The following CPNE4 variants were observed in gnomAD, a reference collection of about 807,000 sequenced individuals.
CPNE4 encodes the protein copine 4, also known as copine-4.
CPNE4 carries 25 observed loss-of-function variants against 67.9 expected under a neutral mutation model. The ratio of observed to expected loss-of-function variants is 0.37; its 90% confidence interval spans 0.27 to 0.51. The LOEUF (loss-of-function observed/expected upper bound fraction) is 0.51, where lower values mean the gene tolerates loss of function less well. CPNE4 is among the 20% of genes least tolerant of loss of function. The pLI is 0.93. For missense variants in CPNE4, 464 were observed against 690.8 expected, an observed-to-expected ratio of 0.67 and a Z score of 3.68; for synonymous variants, 242 against 244.9, an observed-to-expected ratio of 0.99 and a Z score of 0.11.
chr3:131,769,113 C>T (rs961419079), intron 2 of CPNE4, among the ~76,000 whole-genome samples: 1 of 152,160 alleles, frequency 6.6e-6, no homozygotes, highest in Non-Finnish European at 1.5e-5. Flanking sequence ...TTTTCCCTTG[C>T]TTATGGATTC....
At chr3:131,714,482 T>C (rs995538) in intron 3 of CPNE4, among the ~76,000 whole-genome samples, 114,598 of 152,120 alleles carry the variant, frequency 0.75, 43,590 homozygotes, top group Non-Finnish European at 0.82. Flanking sequence ...AAAGCAACTT[T>C]TTTCTGTTCA....
At chr3:131,732,493 G>C (rs2082150225) in intron 2 of CPNE4, among the ~76,000 whole-genome samples, 2 of 152,194 alleles carry the variant, frequency 1.3e-5, no homozygotes, top group Admixed American at 1.3e-4. Flanking sequence ...ACCAGTAGGA[G>C]ACTAGAAGAC....
At chr3:131,983,072 AT>A (rs1273257802) in intron 1 of CPNE4, among the ~76,000 whole-genome samples, 1 of 152,168 alleles carries the variant, frequency 6.6e-6, no homozygotes, top group Admixed American at 6.5e-5. Flanking sequence ...AAACTAGAAA[AT>A]ACTATAAGAA....
Position 131,908,643 on chromosome 3 carries a change from T to G in CPNE4, c.-1-3199A>C, listed in dbSNP as rs2088855358. On this transcript the variant is annotated intron_variant, in intron 1 of 15. Coordinates refer to ENST00000429747, the MANE Select transcript of CPNE4 (RefSeq NM_130808.3). ...CTTCCAAATCCACTGTTTTAATATG[T>G]GTTAGGAAATACATATTGTATTTTT... Among the ~76,000 whole-genome samples, 3 of 110,188 alleles carry G rather than the reference T, an allele frequency of 2.7e-5. No individual in the cohort carries two copies. The South Asian group carries it at 8.0e-4, about 29-fold the overall frequency. 72.3% of individuals were successfully genotyped at this position (110,188 alleles called of 152,430 possible).
At chr3:131,765,406 C>T (rs1168159791) in intron 2 of CPNE4, among the ~76,000 whole-genome samples, 2 of 152,172 alleles carry the variant, frequency 1.3e-5, no homozygotes, top group East Asian at 3.9e-4. Flanking sequence ...AGACTAATGG[C>T]GTTGCTTATC....
At chr3:131,654,382 T>A (rs2079895430) in intron 7 of CPNE4, among the ~76,000 whole-genome samples, 1 of 152,236 alleles carries the variant, frequency 6.6e-6, no homozygotes, top group Middle Eastern at 3.4e-3. Flanking sequence ...TTTTTTTTAA[T>A]TTTTTTCTGC....
chr3:131,848,334 T>A (rs2086084294), intron 2 of CPNE4, among the ~76,000 whole-genome samples: 1 of 152,162 alleles, frequency 6.6e-6, no homozygotes. Context: ...CTCTTGGCTG[T>A]CTCTAATCCC....
chr3:132,014,938 T>A (rs1337233239), intron 1 of CPNE4, among the ~76,000 whole-genome samples: 2 of 152,176 alleles, frequency 1.3e-5, no homozygotes, highest in Non-Finnish European at 2.9e-5. Context: ...TTAAAATTAA[T>A]TTTATCTCTT....
chr3:131,981,095 G>C (rs1261862023), intron 1 of CPNE4, among the ~76,000 whole-genome samples: 1 of 152,104 alleles, frequency 6.6e-6, no homozygotes, highest in African/African-American at 2.4e-5. Flanking sequence ...CAGTGGAGGT[G>C]GTGGGGGATG....
At chr3:131,858,766 G>C (rs2086555953) in intron 2 of CPNE4, among the ~76,000 whole-genome samples, 2 of 152,130 alleles carry the variant, frequency 1.3e-5, no homozygotes, top group African/African-American at 4.8e-5. Flanking sequence ...CCTAGGAGTT[G>C]TGGCTATAAG....
chr3:131,873,648 A>C (rs1163598380), intron 2 of CPNE4, among the ~76,000 whole-genome samples: 1 of 152,180 alleles, frequency 6.6e-6, no homozygotes, highest in Non-Finnish European at 1.5e-5. Context: ...CCTGACTTCC[A>C]GGATATGTGC....
chr3:131,721,630 C>T (rs968314837), intron 3 of CPNE4, among the ~76,000 whole-genome samples: 1 of 152,072 alleles, frequency 6.6e-6, no homozygotes, highest in Admixed American at 6.5e-5. Flanking sequence ...CTCCTGGCCT[C>T]GTGATCTGCC....
At chr3:131,899,120 G>A (rs1370158607) in intron 2 of CPNE4, among the ~76,000 whole-genome samples, 2 of 152,162 alleles carry the variant, frequency 1.3e-5, no homozygotes, top group Non-Finnish European at 2.9e-5. Context: ...TCTAGCTCTC[G>A]TCTATGTCCA....
chr3:131,549,977 C>T lies in CPNE4; in HGVS notation c.1272G>A (p.Ala424=), dbSNP rs34936480. The part of the protein sequence containing the change: ...APIIQKVAKS[A]SEETNTKEAS... ...CCTCCTTGGTGTTAGTTTCCTCTGA[C>T]GCTGACTTGGCAACCTTCTGGATGA... The change falls in exon 14 of 16, where the codon GCG becomes GCA. Residue 424 remains alanine (A), a synonymous_variant. Transcript: ENST00000429747. 9.0e-5 allele frequency: 145 copies of T among 1,613,144 alleles called. No homozygotes were observed. The African/African-American group carries it at 1.6e-3, about 18-fold the overall frequency.
chr3:131,550,699 C>T (rs1936124507), intron 13 of CPNE4, among the ~76,000 whole-genome samples: 1 of 152,064 alleles, frequency 6.6e-6, no homozygotes. Flanking sequence ...CAGTATCGAG[C>T]AAATGTAATG....
At chr3:131,620,257 A>G (rs576691899) in intron 7 of CPNE4, among the ~76,000 whole-genome samples, 7 of 152,318 alleles carry the variant, frequency 4.6e-5, no homozygotes, top group Admixed American at 2.6e-4. Context: ...AATTGCTGTA[A>G]TTGTTTGGTT....
chr3:131,564,134 C>T, intron 11 of CPNE4, 82 bp downstream of exon 11: 4 of 1,551,160 alleles, frequency 2.6e-6, no homozygotes, highest in Non-Finnish European at 3.6e-6. Flanking sequence ...ACTTAATTTC[C>T]ACTTTCTGCC....
chr3:131,779,287 T>A (rs1333703084), intron 2 of CPNE4, among the ~76,000 whole-genome samples: 1 of 152,082 alleles, frequency 6.6e-6, no homozygotes, highest in East Asian at 1.9e-4. Context: ...TTCAATGTTA[T>A]TCCTATCAAA....
chr3:131,581,424 T>C (rs1490358884), intron 9 of CPNE4, among the ~76,000 whole-genome samples, 155 bp downstream of exon 9: 1 of 152,196 alleles, frequency 6.6e-6, no homozygotes, highest in Non-Finnish European at 1.5e-5. Context: ...CATGCTTACA[T>C]TTCTCATTTT....
Sources: gnomAD v4.1 joint callset for allele counts (sites outside exome capture counted in the v4.1 genomes callset) on GRCh38, gnomAD v4.1.1 for gene constraint, MANE v1.5 for transcripts, NCBI Gene and HGNC (gene_info 2026-07-23, HGNC 2026-07-21) for gene names.